AKT3: variants seen among roughly 807,000 people sequenced by gnomAD.
The protein encoded by AKT3 is AKT serine/threonine kinase 3, also known as RAC-gamma serine/threonine-protein kinase.
Under a neutral mutation model 65.3 loss-of-function variants are expected in AKT3, and 15 were observed. That is an observed-to-expected ratio of 0.23 (90% confidence interval 0.15 to 0.35). The LOEUF (loss-of-function observed/expected upper bound fraction) is 0.35. Among genes scored for constraint, AKT3 ranks in the 10% least tolerant of loss-of-function variants. AKT3 has a pLI of 1.00. For synonymous variants in AKT3, 206 were observed against 183.8 expected (o/e 1.12, Z -0.98); for missense variants, 243 against 576.5 (o/e 0.42, Z 5.92).
chr1:243,657,497 A>G (rs1330495398), intron 4 of AKT3, among the ~76,000 whole-genome samples: 1 of 152,186 alleles, frequency 6.6e-6, no homozygotes, highest in Non-Finnish European at 1.5e-5. Context: ...AAATGAAAGG[A>G]GACACAAATA....
At chr1:243,555,859 C>T (rs1673370697) in intron 10 of AKT3, among the ~76,000 whole-genome samples, 3 of 152,144 alleles carry the variant, frequency 2.0e-5, no homozygotes. Context: ...ATAAAACCAA[C>T]ATTACTGACT....
chr1:243,549,685 A>C (rs879409304), intron 11 of AKT3, among the ~76,000 whole-genome samples: 21 of 152,006 alleles, frequency 1.4e-4, no homozygotes, highest in Non-Finnish European at 1.2e-4. Flanking sequence ...TCGGCCTCCC[A>C]AAGTGCGGGG....
chr1:243,692,646 G>A (rs1684770111), intron 3 of AKT3, among the ~76,000 whole-genome samples: 1 of 152,080 alleles, frequency 6.6e-6, no homozygotes. Flanking sequence ...GCTGAGGCAG[G>A]AGAATCACTT....
chr1:243,660,666 T>A (rs2147902659), intron 4 of AKT3, among the ~76,000 whole-genome samples: 1 of 152,308 alleles, frequency 6.6e-6, no homozygotes, highest in East Asian at 1.9e-4. Flanking sequence ...AGGGATGCCC[T>A]CTCTCACCAC....
At chr1:243,530,762 G>A (rs1228521810) in intron 12 of AKT3, among the ~76,000 whole-genome samples, 1 of 152,096 alleles carries the variant, frequency 6.6e-6, no homozygotes, top group Non-Finnish European at 1.5e-5. Context: ...TAACAAAATA[G>A]ACTGCTAGCT....
At chr1:243,639,906 G>A (rs1680245731) in intron 5 of AKT3, among the ~76,000 whole-genome samples, 1 of 152,046 alleles carries the variant, frequency 6.6e-6, no homozygotes, top group Admixed American at 6.6e-5. Context: ...TGGTCTCCCA[G>A]GCTGAACCCC....
At chr1:243,528,698 C>A (rs985440423) in intron 12 of AKT3, among the ~76,000 whole-genome samples, 1 of 152,202 alleles carries the variant, frequency 6.6e-6, no homozygotes, top group South Asian at 2.1e-4. Context: ...TGTATCTGTA[C>A]TACATTCTTT....
At position 243,689,482 on chromosome 1, in the gene AKT3, A is replaced by ATT. The variant is rs11354558; in HGVS notation, c.172+6107_172+6108dup. 2.1e-3 allele frequency among the ~76,000 whole-genome samples: 268 copies of ATT among 128,374 alleles called. 3 individuals are homozygous for ATT. The highest frequency in any genetic ancestry group is 6.6e-3 in the African/African-American group (225 of 34,014). The allele number at this position is 128,374 out of a possible 152,430, so 84.2% of individuals were successfully genotyped here. A position where few individuals can be genotyped will look rare whatever the true frequency, so the allele number is the denominator to read the frequency against. On this transcript the variant is annotated intron_variant, in intron 3 of 13. Transcript: ENST00000673466. ...CTCTGTATATAATATTTATTCAAAGATTTTTTTTTTTTTTTTTTTTTTAAA... is the reference window on the plus strand; with the variant it reads ...CTCTGTATATAATATTTATTCAAAGATTTTTTTTTTTTTTTTTTTTTTTTAAA...
At chr1:243,654,697 T>C (rs967115578) in intron 4 of AKT3, among the ~76,000 whole-genome samples, 2 of 152,204 alleles carry the variant, frequency 1.3e-5, no homozygotes, top group African/African-American at 4.8e-5. Flanking sequence ...CTCATTTTCT[T>C]TCAGAACTTT....
chr1:243,576,099 G>A (rs745432030), intron 8 of AKT3, among the ~76,000 whole-genome samples: 4 of 151,998 alleles, frequency 2.6e-5, no homozygotes, highest in Non-Finnish European at 5.9e-5. Context: ...ATCAATGAAT[G>A]TAATTCATAA....
intron 8 of AKT3, among the ~76,000 whole-genome samples, chr1:243,585,478 T>G (rs914619571): frequency 2.6e-5 from 4 of 152,030 alleles, no homozygotes; most frequent in African/African-American, 7.2e-5. Context: ...TCAAATTACC[T>G]GCCTTCGAAC....
intron 2 of AKT3, among the ~76,000 whole-genome samples, chr1:243,707,236 A>G (rs796825036): frequency 1.4e-4 from 22 of 152,328 alleles, no homozygotes; most frequent in African/African-American, 5.3e-4. Context: ...AGTGTTTAAA[A>G]TAAAATGGAA....
At chr1:243,659,907 T>A (rs184930834) in intron 4 of AKT3, among the ~76,000 whole-genome samples, 102 of 152,354 alleles carry the variant, frequency 6.7e-4, no homozygotes, top group Non-Finnish European at 3.1e-4. Context: ...GATTTTTGTA[T>A]CAATGTTCAT....
chr1:243,804,840 C>T (rs1692626278), intron 2 of AKT3, among the ~76,000 whole-genome samples: 1 of 150,766 alleles, frequency 6.6e-6, no homozygotes, highest in Non-Finnish European at 1.5e-5. Context: ...GAGCAAGACT[C>T]CATCTCAAAA....
chr1:243,699,493 ATATATATATATATATATAT>A (rs1685294001), intron 2 of AKT3, among the ~76,000 whole-genome samples: 2 of 50,914 alleles, frequency 3.9e-5, no homozygotes, highest in South Asian at 5.1e-4. Context: ...ATATATATAT[ATATATATATATATATATAT>A]AATCTTCATG....
intron 2 of AKT3, among the ~76,000 whole-genome samples, chr1:243,817,891 G>C (rs536150411): frequency 6.6e-6 from 1 of 152,104 alleles, no homozygotes; most frequent in Admixed American, 6.5e-5. Flanking sequence ...AATTAACTCA[G>C]GCATGGAAGA....
At chr1:243,681,671 T>C (rs1396613617) in intron 3 of AKT3, among the ~76,000 whole-genome samples, 2 of 152,194 alleles carry the variant, frequency 1.3e-5, no homozygotes, top group Non-Finnish European at 2.9e-5. Context: ...GACGTATTAC[T>C]TGAAGAGAGC....
intron 1 of AKT3, among the ~76,000 whole-genome samples, chr1:243,849,325 G>T (rs947037649): frequency 1.3e-5 from 2 of 152,002 alleles, no homozygotes; most frequent in African/African-American, 2.4e-5. Flanking sequence ...CTCCCAAGCG[G>T]ATCAAAACCC....
At chr1:243,849,928 C>G (rs977894920) in intron 1 of AKT3, 112 bp downstream of exon 1, 40 of 807,246 alleles carry the variant, frequency 5.0e-5, no homozygotes, top group Non-Finnish European at 6.0e-5. Flanking sequence ...TCACCCCACC[C>G]CGCCGCCATC....
Sources: gnomAD v4.1 joint callset for allele counts (sites outside exome capture counted in the v4.1 genomes callset) on GRCh38, gnomAD v4.1.1 for gene constraint, MANE v1.5 for transcripts, NCBI Gene and HGNC (gene_info 2026-07-23, HGNC 2026-07-21) for gene names.